Variants in KANSL1 observed in about 807,000 individuals in gnomAD.
The protein encoded by KANSL1 is MLL1/MLL complex subunit KANSL1.
KANSL1 carries 22 observed loss-of-function variants against 103.6 expected under a neutral mutation model. The observed-to-expected ratio is 0.21, with a 90% CI of 0.15 to 0.30. The LOEUF is 0.30. Ranked by LOEUF, KANSL1 falls within the 10% of genes least tolerant of loss-of-function variation. KANSL1 has a pLI of 1.00. For missense variants in KANSL1, 1,337 were observed against 1,399.8 expected, an observed-to-expected ratio of 0.96 and a Z score of 0.72; for synonymous variants, 600 against 527.6, an observed-to-expected ratio of 1.14 and a Z score of -1.88.
chr17:46,183,334 C>A (rs1365241564), intron 1 of KANSL1, among the ~76,000 whole-genome samples: 2 of 152,204 alleles, frequency 1.3e-5, no homozygotes. Context: ...AAGCCCAGCA[C>A]CTTGGGAGGC....
chr17:46,172,321 G>C (rs2046328489), intron 1 of KANSL1, 89 bp from the exon 2 acceptor site: 1 of 674,666 alleles, frequency 1.5e-6, no homozygotes, highest in South Asian at 2.0e-5. Context: ...TGAGGCTGTT[G>C]TCTAAACTGC....
intron 10 of KANSL1, among the ~76,000 whole-genome samples, chr17:46,036,148 G>C (rs2077143274): frequency 6.6e-6 from 1 of 152,126 alleles, no homozygotes; most frequent in Admixed American, 6.5e-5. Context: ...CAATCTCCTG[G>C]GCTGAAGAGA....
rs187999563 is a variant in KANSL1 at position 46,119,496 on chromosome 17, G to A, written c.1290-24795C>T. The stretch of plus-strand genomic sequence containing the variant: ...TAATTTTTGTATTTTTAGTAAAGAC[G>A]AGGTTTCACCATGTTGGCCAGGCTG... On this transcript the variant is annotated intron_variant, in intron 2 of 14. Transcript: ENST00000432791. Among the ~76,000 whole-genome samples the A allele has an allele frequency of 3.1e-4, 47 of 152,080 alleles. No homozygotes were observed. The East Asian group carries it at 5.2e-3, about 17-fold the overall frequency.
chr17:46,069,723 AAG>A (rs929822964), intron 4 of KANSL1, among the ~76,000 whole-genome samples: 18 of 151,548 alleles, frequency 1.2e-4, no homozygotes, highest in East Asian at 5.8e-4. Flanking sequence ...CAGCCTGGGA[AAG>A]AGAGAGAGAG....
intron 2 of KANSL1, among the ~76,000 whole-genome samples, chr17:46,134,499 T>G (rs1195262194): frequency 6.6e-6 from 1 of 152,124 alleles, no homozygotes; most frequent in Non-Finnish European, 1.5e-5. Flanking sequence ...GAGATAGAGC[T>G]GACCTGAAAA....
chr17:46,158,519 T>C (rs1454586209), intron 2 of KANSL1, among the ~76,000 whole-genome samples: 2 of 152,104 alleles, frequency 1.3e-5, no homozygotes, highest in Non-Finnish European at 2.9e-5. Flanking sequence ...TGTGTCACCA[T>C]GCCCAGCCAA....
intron 3 of KANSL1, among the ~76,000 whole-genome samples, chr17:46,091,250 A>T (rs1341675240): frequency 6.6e-6 from 1 of 152,246 alleles, no homozygotes; most frequent in African/African-American, 2.4e-5. Flanking sequence ...GAAAGTTTTA[A>T]AGATAGAAAA....
rs556907553 is a variant in KANSL1 at position 46,117,336 on chromosome 17, T to C, written c.1290-22635A>G. ...CATTCCTTAAAAGCTGCCAGACTTA[T>C]GGGTGAAGAAACTATCTCACAAATT... On this transcript the variant is annotated intron_variant, in intron 2 of 14. Transcript: ENST00000432791. Among the ~76,000 whole-genome samples, 12 of 152,386 alleles carry C rather than the reference T, an allele frequency of 7.9e-5. No individual in the cohort carries two copies. The East Asian group carries it at 2.1e-3, about 27-fold the overall frequency.
chr17:46,179,151 A>C (rs941711363), intron 1 of KANSL1, among the ~76,000 whole-genome samples: 2 of 152,204 alleles, frequency 1.3e-5, no homozygotes, highest in African/African-American at 4.8e-5. Flanking sequence ...AAATGTCTCC[A>C]GACATGTCAA....
chr17:46,119,601 C>G (rs1202299948), intron 2 of KANSL1, among the ~76,000 whole-genome samples: 3 of 152,170 alleles, frequency 2.0e-5, no homozygotes, highest in East Asian at 1.9e-4. Context: ...GCCACCACAC[C>G]CGGCCCAGAG....
At chr17:46,094,892 A>G (rs2041996558) in intron 2 of KANSL1, among the ~76,000 whole-genome samples, 191 bp from the exon 3 acceptor site, 1 of 152,188 alleles carries the variant, frequency 6.6e-6, no homozygotes, top group Non-Finnish European at 1.5e-5. Flanking sequence ...CCAAATAGGT[A>G]TTTCCCAAAT....
At chr17:46,215,352 A>G (rs1205089044) in intron 1 of KANSL1, among the ~76,000 whole-genome samples, 2 of 152,228 alleles carry the variant, frequency 1.3e-5, no homozygotes, top group Non-Finnish European at 2.9e-5. Context: ...TGGAGAGATG[A>G]TCTGGCAAAA....
intron 1 of KANSL1, 90 bp downstream of exon 1, chr17:46,192,733 A>AAG (rs1030140043): frequency 2.6e-5 from 4 of 155,250 alleles, no homozygotes; most frequent in South Asian, 2.0e-4. Context: ...ACAACTAACA[A>AAG]AGAGAGAGAG....
intron 2 of KANSL1, among the ~76,000 whole-genome samples, chr17:46,148,469 CT>C (rs2044860421): frequency 6.6e-6 from 1 of 152,344 alleles, no homozygotes; most frequent in East Asian, 1.9e-4. Context: ...ACGTTCCTAT[CT>C]CTCAAGATCA....
rs560212050 is a variant in KANSL1 at position 46,172,155 on chromosome 17, A to G, written c.-12T>C. ...GCCATCGCAGCCATTCAGCACAGAGAGACAGGAAGTCCAGCCTCTCCCGAT... is the reference window on the plus strand; with the variant it reads ...GCCATCGCAGCCATTCAGCACAGAGGGACAGGAAGTCCAGCCTCTCCCGAT... On this transcript the variant is annotated 5_prime_UTR_variant, in exon 2 of 15. Transcript: ENST00000432791. The G allele has an allele frequency of 6.5e-5, 104 of 1,599,574 alleles. No individual in the cohort carries two copies. In the Admixed American group the frequency reaches 1.7e-3, roughly 27 times the overall value.
intron 1 of KANSL1, among the ~76,000 whole-genome samples, chr17:46,202,978 T>C (rs1451036085): frequency 1.3e-5 from 2 of 152,264 alleles, no homozygotes; most frequent in African/African-American, 2.4e-5. Context: ...ACATCTCTAA[T>C]ACTAGCACTT....
chr17:46,169,933 C>A (rs1441475624), intron 2 of KANSL1, among the ~76,000 whole-genome samples: 3 of 152,058 alleles, frequency 2.0e-5, no homozygotes, highest in Non-Finnish European at 4.4e-5. Context: ...GAGTTTGAGG[C>A]CAGCCTGGTC....
At chr17:46,042,409 A>G (rs1361583102) in intron 7 of KANSL1, 1 of 152,202 alleles carries the variant, frequency 6.6e-6, no homozygotes, top group African/African-American at 2.4e-5. Context: ...GGCAAACACA[A>G]TTATGCTTAT....
At chr17:46,185,888 T>C (rs1246007754) in intron 1 of KANSL1, among the ~76,000 whole-genome samples, 3 of 152,182 alleles carry the variant, frequency 2.0e-5, no homozygotes, top group Non-Finnish European at 4.4e-5. Context: ...GATGTCTATA[T>C]ATCAAACTAT....
Sources: allele counts gnomAD v4.1 joint callset (sites outside exome capture counted in the v4.1 genomes callset), GRCh38; gene constraint gnomAD v4.1.1; transcripts MANE v1.5; gene names NCBI Gene and HGNC (gene_info 2026-07-23, HGNC 2026-07-21).